Variants in EGFLAM observed in about 807,000 individuals in gnomAD.
EGFLAM encodes the protein EGF like, fibronectin type III and laminin G domains, also known as pikachurin.
A neutral mutation model predicts 113.1 loss-of-function variants in EGFLAM; 79 were observed. The ratio of observed to expected loss-of-function variants is 0.70; its 90% confidence interval spans 0.58 to 0.84. The LOEUF is 0.84. EGFLAM is among the 40% of genes least tolerant of loss of function. The pLI is 0.00. For missense variants in EGFLAM, 1,265 were observed against 1,291.6 expected, an observed-to-expected ratio of 0.98 and a Z score of 0.32; for synonymous variants, 504 against 487.6, an observed-to-expected ratio of 1.03 and a Z score of -0.44.
chr5:38,378,199 C>A (rs1348138583), intron 6 of EGFLAM, among the ~76,000 whole-genome samples: 1 of 152,076 alleles, frequency 6.6e-6, no homozygotes, highest in Admixed American at 6.6e-5. Flanking sequence ...CTCATCTCAC[C>A]CCTCTTTTCT....
intron 9 of EGFLAM, 121 bp from the exon 10 acceptor site, chr5:38,408,883 C>T: frequency 1.2e-6 from 1 of 837,778 alleles, no homozygotes; most frequent in Non-Finnish European, 2.0e-6. Flanking sequence ...ATGCTTGACC[C>T]TTTGTAGATA....
At chr5:38,391,558 C>G (rs1428591390) in intron 6 of EGFLAM, among the ~76,000 whole-genome samples, 1 of 147,200 alleles carries the variant, frequency 6.8e-6, no homozygotes, top group Non-Finnish European at 1.5e-5. Flanking sequence ...ACTACCACGT[C>G]TGGCTGATTT....
intron 12 of EGFLAM, among the ~76,000 whole-genome samples, chr5:38,422,448 C>CT (rs1391874787): frequency 1.3e-5 from 2 of 152,200 alleles, no homozygotes; most frequent in Non-Finnish European, 2.9e-5. Context: ...GATTCTTAAC[C>CT]TTTTTGGCAC....
chr5:38,298,792 C>T (rs990341956), intron 1 of EGFLAM, among the ~76,000 whole-genome samples: 1 of 151,976 alleles, frequency 6.6e-6, no homozygotes, highest in East Asian at 1.9e-4. Context: ...TGTCAACCTC[C>T]TGGGCTCAGG....
chr5:38,292,198 A>T (rs1205730503), intron 1 of EGFLAM, among the ~76,000 whole-genome samples: 1 of 152,218 alleles, frequency 6.6e-6, no homozygotes, highest in East Asian at 1.9e-4. Flanking sequence ...GTCTTATCAC[A>T]TTACTTGCTT....
At chr5:38,372,605 G>A (rs1352242802) in intron 6 of EGFLAM, among the ~76,000 whole-genome samples, 1 of 152,124 alleles carries the variant, frequency 6.6e-6, no homozygotes, top group Non-Finnish European at 1.5e-5. Context: ...TATTATAATT[G>A]GCCTGTTATG....
rs1417988665 is a variant in EGFLAM at position 38,443,454 on chromosome 5, A to C, written c.2465-4847A>C. ...GGAGATCTGGGGGTGTTTAGTATAG[A>C]TGTTGCTCTTTAGATAGTTGAAGGG... On this transcript the variant is annotated intron_variant, in intron 17 of 21. Coordinates refer to ENST00000322350, the MANE Select transcript of EGFLAM (RefSeq NM_152403.4). Among the ~76,000 whole-genome samples the C allele has an allele frequency of 5.9e-5, 9 of 152,254 alleles. No individual in the cohort carries two copies. The East Asian group carries it at 1.5e-3, about 26-fold the overall frequency.
rs146978284 is a variant in EGFLAM, at chr5:38,288,655, C to T, written c.97+29804C>T. Among the ~76,000 whole-genome samples, 17 of 152,294 alleles carry T rather than the reference C, an allele frequency of 1.1e-4. No homozygotes were observed. In the East Asian group the frequency reaches 2.9e-3, roughly 26 times the overall value. ...GGAGAGAAGTGGTATTGTTCAGTTA[C>T]ATAATGAAGCTTAGGACAGACTAAA... On this transcript the variant is annotated intron_variant, in intron 1 of 21. Coordinates refer to ENST00000322350, the MANE Select transcript of EGFLAM (RefSeq NM_152403.4).
At chr5:38,348,166 T>G (rs1402428897) in intron 3 of EGFLAM, among the ~76,000 whole-genome samples, 1 of 152,066 alleles carries the variant, frequency 6.6e-6, no homozygotes, top group Non-Finnish European at 1.5e-5. Context: ...GGGTGCTTGG[T>G]AGTCACTGGG....
At chr5:38,442,319 T>A (rs1452802544) in intron 17 of EGFLAM, among the ~76,000 whole-genome samples, 1 of 148,034 alleles carries the variant, frequency 6.8e-6, no homozygotes, top group Admixed American at 6.8e-5. Context: ...ATTTTTATAT[T>A]TAATATCAAT....
At chr5:38,309,177 A>G (rs953066317) in intron 1 of EGFLAM, among the ~76,000 whole-genome samples, 4 of 152,198 alleles carry the variant, frequency 2.6e-5, no homozygotes, top group African/African-American at 9.7e-5. Flanking sequence ...TACATCTACT[A>G]TTTGTACCAT....
intron 1 of EGFLAM, among the ~76,000 whole-genome samples, chr5:38,324,018 T>C (rs948604782): frequency 7.8e-6 from 1 of 128,852 alleles, no homozygotes; most frequent in Admixed American, 9.3e-5. Context: ...CTAGCGTGCA[T>C]GACAGAATGA....
rs1462902837 is a variant in EGFLAM at position 38,354,355 on chromosome 5, C to T, written c.545+2024C>T. Among the ~76,000 whole-genome samples, 5 of 152,164 alleles carry T rather than the reference C, an allele frequency of 3.3e-5. No homozygotes were observed. In the East Asian group the frequency reaches 9.6e-4, roughly 29 times the overall value. ...CTCATCTGTAAAACTTGGGGCAAAA[C>T]TTAACATTTATAATTTACTTCCACA... is the stretch of plus-strand genomic sequence containing the variant. On this transcript the variant is annotated intron_variant, in intron 5 of 21. Coordinates refer to ENST00000322350, the MANE Select transcript of EGFLAM (RefSeq NM_152403.4).
At chr5:38,405,369 T>C (rs924715680) in intron 6 of EGFLAM, among the ~76,000 whole-genome samples, 5 of 152,176 alleles carry the variant, frequency 3.3e-5, no homozygotes, top group African/African-American at 1.2e-4. Context: ...AAATTACATA[T>C]ATATGTATCC....
chr5:38,392,528 G>A (rs2961888), intron 6 of EGFLAM, among the ~76,000 whole-genome samples: 18,662 of 151,972 alleles, frequency 0.12, 2,310 homozygotes, highest in African/African-American at 0.32. Context: ...TTTGAGGAAT[G>A]TCATAAAGAT....
intron 6 of EGFLAM, among the ~76,000 whole-genome samples, chr5:38,405,810 A>G (rs1741265593): frequency 6.6e-6 from 1 of 152,196 alleles, no homozygotes; most frequent in Non-Finnish European, 1.5e-5. Flanking sequence ...ACCAGTTTAT[A>G]CAAGTACCAT....
chr5:38,462,944 T>C lies in EGFLAM; in HGVS notation c.2808T>C (p.Tyr936=), dbSNP rs1226168847. The part of the protein sequence containing the change: ...GQSGKITVDD[Y]GARTGKSPGM... ...CAGGAAAGATAACCGTGGATGACTA[T>C]GGAGCCAGAACAGGCAAATCCCCAG... Residue 936 remains tyrosine, a synonymous_variant, in exon 21 of 22, where the codon TAT becomes TAC. Coordinates refer to ENST00000322350, the MANE Select transcript of EGFLAM (RefSeq NM_152403.4). 7.4e-6 allele frequency: 12 copies of C among 1,614,198 alleles called. No homozygotes were observed. The highest frequency in any genetic ancestry group is 1.1e-5 in the South Asian group (1 of 91,080).
At chr5:38,263,468 A>C (rs1757554138) in intron 1 of EGFLAM, among the ~76,000 whole-genome samples, 1 of 152,246 alleles carries the variant, frequency 6.6e-6, no homozygotes, top group African/African-American at 2.4e-5. Context: ...TCTCAAAAAA[A>C]AGAAACAAAA....
Position 38,258,705 on chromosome 5 carries a change from T to C in EGFLAM, c.-50T>C, listed in dbSNP as rs1757414161. 2 of 1,565,934 alleles carry C rather than the reference T, an allele frequency of 1.3e-6. No individual in the cohort carries two copies. The highest frequency in any genetic ancestry group is 1.4e-5 in the African/African-American group (1 of 73,762). On this transcript the variant is annotated 5_prime_UTR_variant, in exon 1 of 22. Transcript: ENST00000322350. Reference sequence around the variant, plus strand: ...CCCCACGCGCCCCCGGAGACGCCCTTTCCGTGTGCGCCCGGGACTTGGTGA... The same window carrying C: ...CCCCACGCGCCCCCGGAGACGCCCTCTCCGTGTGCGCCCGGGACTTGGTGA...
Sources: allele counts gnomAD v4.1 joint callset (sites outside exome capture counted in the v4.1 genomes callset), GRCh38; gene constraint gnomAD v4.1.1; transcripts MANE v1.5; gene names NCBI Gene and HGNC (gene_info 2026-07-23, HGNC 2026-07-21).